Variants in ATF7IP observed in about 807,000 individuals in gnomAD.
ATF7IP encodes activating transcription factor 7-interacting protein 1.
ATF7IP carries 23 observed loss-of-function variants against 106.4 expected under a neutral mutation model. The ratio of observed to expected loss-of-function variants is 0.22; its 90% CI spans 0.16 to 0.31. The LOEUF (loss-of-function observed/expected upper bound fraction) is 0.31, where lower values mean the gene tolerates loss of function less well. Ranked by LOEUF, ATF7IP falls within the 10% of genes least tolerant of loss-of-function variation. The pLI is 1.00. For synonymous variants in ATF7IP, 542 were observed against 539.0 expected, an observed-to-expected ratio of 1.01 and a Z score of -0.08; for missense variants, 1,334 against 1,524.3, an observed-to-expected ratio of 0.88 and a Z score of 2.08.
chr12:14,386,859 G>A (rs576481430), intron 1 of ATF7IP, among the ~76,000 whole-genome samples: 4 of 152,168 alleles, frequency 2.6e-5, no homozygotes, highest in South Asian at 4.1e-4. Flanking sequence ...ATGTGTCTTC[G>A]TTATGTTGAT....
At chr12:14,439,888 C>CA (rs201822016) in intron 5 of ATF7IP, among the ~76,000 whole-genome samples, 32 of 147,758 alleles carry the variant, frequency 2.2e-4, no homozygotes, top group African/African-American at 8.1e-4. Flanking sequence ...TCCATCCATC[C>CA]TAAAACAGTT....
intron 13 of ATF7IP, among the ~76,000 whole-genome samples, chr12:14,495,234 A>C (rs966310341): frequency 6.6e-6 from 1 of 152,168 alleles, no homozygotes; most frequent in African/African-American, 2.4e-5. Context: ...CAACATCCTC[A>C]CAGGCCCACC....
intron 2 of ATF7IP, among the ~76,000 whole-genome samples, chr12:14,427,924 G>A (rs1354888409): frequency 1.3e-5 from 2 of 152,124 alleles, no homozygotes; most frequent in African/African-American, 4.8e-5. Context: ...AATAATGTAA[G>A]AGAAGCATAT....
chr12:14,366,319 A>T (rs1938292822), intron 1 of ATF7IP, among the ~76,000 whole-genome samples: 2 of 152,208 alleles, frequency 1.3e-5, no homozygotes. Flanking sequence ...ATTCAGGTTT[A>T]TATTTACGGT....
chr12:14,382,184 A>G (rs1214276395), intron 1 of ATF7IP, among the ~76,000 whole-genome samples: 2 of 152,318 alleles, frequency 1.3e-5, no homozygotes, highest in African/African-American at 2.4e-5. Flanking sequence ...TAGCCTGTCT[A>G]CAAACAAATA....
chr12:14,398,407 G>T (rs538338704), intron 1 of ATF7IP, among the ~76,000 whole-genome samples: 80 of 148,994 alleles, frequency 5.4e-4, no homozygotes, highest in Non-Finnish European at 1.0e-3. Context: ...TTATTTATAA[G>T]GAGATAATTT....
At chr12:14,455,582 A>AT (rs1325478000) in intron 6 of ATF7IP, among the ~76,000 whole-genome samples, 8 of 151,848 alleles carry the variant, frequency 5.3e-5, no homozygotes, top group Admixed American at 3.3e-4. Flanking sequence ...TTATTCTTCC[A>AT]TTTTTTGTTT....
At chr12:14,483,476 T>A (rs1004992948) in intron 13 of ATF7IP, among the ~76,000 whole-genome samples, 11 of 152,142 alleles carry the variant, frequency 7.2e-5, no homozygotes, top group Admixed American at 2.6e-4. Flanking sequence ...CAATCTTAAG[T>A]TCCAGTTTAA....
At chr12:14,417,013 C>T (rs1248203611) in intron 1 of ATF7IP, 2 of 926,682 alleles carry the variant, frequency 2.2e-6, no homozygotes, top group African/African-American at 3.6e-5. Flanking sequence ...ATTTTTAAAA[C>T]TTGGTTATTA....
intron 8 of ATF7IP, among the ~76,000 whole-genome samples, chr12:14,458,903 A>C (rs1038428145): frequency 2.6e-5 from 4 of 152,142 alleles, no homozygotes; most frequent in Admixed American, 6.6e-5. Flanking sequence ...TTTGAAAACT[A>C]TTCACCAAGT....
intron 10 of ATF7IP, 120 bp from the exon 11 acceptor site, chr12:14,475,770 A>AGG (rs1944241311): frequency 3.7e-5 from 24 of 656,284 alleles, no homozygotes; most frequent in Non-Finnish European, 5.7e-5. Context: ...ACAGCCATTT[A>AGG]AGGGTCCAGA....
rs1738053948 is a variant in ATF7IP at position 14,457,270 on chromosome 12, A to G, written c.2133A>G (p.Pro711=). ...GAAATGTAAGCGAGAGTGCACCACCATCCTTTCAAACTCCTGTGAATACAG... is the reference window on the plus strand; with the variant it reads ...GAAATGTAAGCGAGAGTGCACCACCGTCCTTTCAAACTCCTGTGAATACAG... ...SKRNVSESAP[P]SFQTPVNTVS... Residue 711 remains proline, a synonymous_variant, in exon 8 of 15, where the codon CCA becomes CCG. Coordinates refer to ENST00000261168, the MANE Select transcript of ATF7IP (RefSeq NM_018179.5). 1 of 1,612,746 alleles carries G rather than the reference A, an allele frequency of 6.2e-7. No homozygotes were observed. Among genetic ancestry groups the G allele is most frequent in the Non-Finnish European group, 8.5e-7 (1 of 1,179,620 alleles).
chr12:14,373,885 T>C (rs1175549081), intron 1 of ATF7IP, among the ~76,000 whole-genome samples: 1 of 152,060 alleles, frequency 6.6e-6, no homozygotes, highest in Non-Finnish European at 1.5e-5. Flanking sequence ...AACATTATGA[T>C]TAGTTTTGCA....
At chr12:14,433,489 G>T (rs778618629) in intron 2 of ATF7IP, among the ~76,000 whole-genome samples, 2 of 152,048 alleles carry the variant, frequency 1.3e-5, no homozygotes, top group African/African-American at 4.8e-5. Flanking sequence ...TGGCGACAGA[G>T]TGAGACTCTA....
chr12:14,402,672 G>A (rs1170268243), intron 1 of ATF7IP, among the ~76,000 whole-genome samples: 3 of 150,238 alleles, frequency 2.0e-5, no homozygotes, highest in Non-Finnish European at 3.0e-5. Context: ...GAAGTGGTGC[G>A]GTGTTGGCTC....
intron 12 of ATF7IP, among the ~76,000 whole-genome samples, chr12:14,480,721 T>G (rs952789135): frequency 1.3e-5 from 2 of 152,202 alleles, no homozygotes; most frequent in African/African-American, 4.8e-5. Flanking sequence ...ATTCTGCACC[T>G]TTTTAAAAAA....
At chr12:14,407,333 T>C (rs189230243) in intron 1 of ATF7IP, among the ~76,000 whole-genome samples, 36 of 152,310 alleles carry the variant, frequency 2.4e-4, no homozygotes, top group Admixed American at 2.0e-3. Context: ...TCAGCAACTG[T>C]AATTTAAATT....
intron 1 of ATF7IP, among the ~76,000 whole-genome samples, chr12:14,392,250 A>G (rs557095569): frequency 2.0e-5 from 3 of 151,976 alleles, no homozygotes; most frequent in African/African-American, 4.8e-5. Flanking sequence ...TTTTCTTTTA[A>G]AAATCATCAT....
chr12:14,457,783 T>A (rs1591906899), intron 8 of ATF7IP, among the ~76,000 whole-genome samples: 1 of 152,192 alleles, frequency 6.6e-6, no homozygotes, highest in Admixed American at 6.5e-5. Flanking sequence ...AAAATGTTTT[T>A]AAAATGTTTA....
Sources: gnomAD v4.1 joint callset for allele counts (sites outside exome capture counted in the v4.1 genomes callset) on GRCh38, gnomAD v4.1.1 for gene constraint, MANE v1.5 for transcripts, NCBI Gene and HGNC (gene_info 2026-07-23, HGNC 2026-07-21) for gene names.